ATP8A2: variants seen among roughly 807,000 people sequenced by gnomAD.
The protein encoded by ATP8A2 is ATPase phospholipid transporting 8A2.
In ATP8A2, 100 loss-of-function variants were observed where a neutral mutation model predicts 165.6. The observed-to-expected ratio is 0.60, with a 90% confidence interval of 0.51 to 0.71. The LOEUF is 0.71. Among genes scored for constraint, ATP8A2 ranks in the 30% least tolerant of loss-of-function variants. ATP8A2 has a pLI of 0.00. For missense variants in ATP8A2, 1,227 were observed against 1,479.5 expected (o/e 0.83, Z 2.80); for synonymous variants, 543 against 548.8 (o/e 0.99, Z 0.15).
In ATP8A2 at chr13:25,603,297, G is replaced by A. The variant is rs146374693; in HGVS notation, c.2211+13598G>A. On this transcript the variant is annotated intron_variant, in intron 24 of 36. Transcript: ENST00000381655. Reference sequence around the variant, plus strand: ...GAGCCCAGGAGTTCAAGAGCAGCTTGGGCAACATGGTGAAACCCTGTATCT... The same window carrying A: ...GAGCCCAGGAGTTCAAGAGCAGCTTAGGCAACATGGTGAAACCCTGTATCT... 4.0e-3 allele frequency among the ~76,000 whole-genome samples: 610 copies of A among 151,954 alleles called. 3 individuals carry two copies. Among genetic ancestry groups the A allele is most frequent in the African/African-American group, 0.014 (573 of 41,422 alleles).
intron 24 of ATP8A2, among the ~76,000 whole-genome samples, chr13:25,639,883 CAGA>C (rs2041470612): frequency 6.6e-6 from 1 of 152,108 alleles, no homozygotes; most frequent in African/African-American, 2.4e-5. Context: ...TGTAAAAGAA[CAGA>C]AATTATAACA....
chr13:26,008,046 G>A (rs1297060100), intron 35 of ATP8A2, among the ~76,000 whole-genome samples: 3 of 152,140 alleles, frequency 2.0e-5, no homozygotes, highest in Non-Finnish European at 4.4e-5. Flanking sequence ...CCAATTTCAG[G>A]CTTCCCAATG....
chr13:25,520,865 T>C (rs1211273545), intron 2 of ATP8A2, among the ~76,000 whole-genome samples: 12 of 152,146 alleles, frequency 7.9e-5, no homozygotes, highest in Non-Finnish European at 1.6e-4. Context: ...CTGCCCGCCT[T>C]GGCCTCCCAA....
intron 1 of ATP8A2, among the ~76,000 whole-genome samples, chr13:25,392,940 C>A (rs1454426841): frequency 6.6e-6 from 1 of 151,524 alleles, no homozygotes; most frequent in Non-Finnish European, 1.5e-5. Context: ...GAAAAATGAA[C>A]TGGATTCTGA....
intron 2 of ATP8A2, among the ~76,000 whole-genome samples, chr13:25,529,159 A>G (rs530018062): frequency 1.3e-5 from 2 of 152,234 alleles, no homozygotes; most frequent in South Asian, 4.1e-4. Context: ...TATAATTAAG[A>G]ATAGGCTCAG....
chr13:26,010,773 A>C (rs2139351546), intron 35 of ATP8A2, among the ~76,000 whole-genome samples: 1 of 152,326 alleles, frequency 6.6e-6, no homozygotes, highest in Non-Finnish European at 1.5e-5. Flanking sequence ...GACGGGAGGG[A>C]GGACCAGTGT....
intron 2 of ATP8A2, among the ~76,000 whole-genome samples, chr13:25,500,806 G>C (rs977536863): frequency 1.4e-4 from 22 of 152,044 alleles, no homozygotes; most frequent in Admixed American, 5.2e-4. Context: ...TGTTCTCCTG[G>C]ACTCAAGTGA....
chr13:25,710,960 G>A (rs928231638), intron 25 of ATP8A2, among the ~76,000 whole-genome samples: 16 of 148,396 alleles, frequency 1.1e-4, no homozygotes, highest in Non-Finnish European at 1.5e-4. Flanking sequence ...ATAGGTTAGC[G>A]AACTGAGGCA....
At chr13:25,674,218 T>A (rs1469140261) in intron 24 of ATP8A2, among the ~76,000 whole-genome samples, 1 of 152,240 alleles carries the variant, frequency 6.6e-6, no homozygotes, top group South Asian at 2.1e-4. Flanking sequence ...AACAAATTCA[T>A]CCTGGCCATG....
chr13:25,650,191 C>T lies in ATP8A2; in HGVS notation c.2212-48982C>T, dbSNP rs544656812. On this transcript the variant is annotated intron_variant, in intron 24 of 36. Coordinates refer to ENST00000381655, the MANE Select transcript of ATP8A2 (RefSeq NM_016529.6). ...GATAGTTTCTCTCACCCTTTCCATGCGGCTTTTATTCCATGCTGTGGACCA... is the reference window on the plus strand; with the variant it reads ...GATAGTTTCTCTCACCCTTTCCATGTGGCTTTTATTCCATGCTGTGGACCA... Among the ~76,000 whole-genome samples, 11 of 152,264 alleles carry T rather than the reference C, an allele frequency of 7.2e-5. No individual in the cohort carries two copies. In the South Asian group the frequency reaches 1.2e-3, roughly 17 times the overall value.
Position 25,608,310 on chromosome 13 carries a change from C to T in ATP8A2, c.2211+18611C>T, listed in dbSNP as rs531452743. On this transcript the variant is annotated intron_variant, in intron 24 of 36. Coordinates refer to ENST00000381655, the MANE Select transcript of ATP8A2 (RefSeq NM_016529.6). ...GTGACAAAGCATATCCAAACCATAG[C>T]GTGCATATTTAATTTCTGGGTTTCA... Among the ~76,000 whole-genome samples, 8 of 152,308 alleles carry T rather than the reference C, an allele frequency of 5.3e-5. 1 individual carries two copies. The South Asian group carries it at 1.4e-3, about 28-fold the overall frequency.
At chr13:25,993,058 T>A (rs1956427665) in intron 35 of ATP8A2, among the ~76,000 whole-genome samples, 1 of 151,766 alleles carries the variant, frequency 6.6e-6, no homozygotes, top group Non-Finnish European at 1.5e-5. Context: ...ATGGTGTATA[T>A]GTCCCACATT....
At chr13:25,920,550 C>G (rs910195601) in intron 33 of ATP8A2, among the ~76,000 whole-genome samples, 1 of 152,198 alleles carries the variant, frequency 6.6e-6, no homozygotes, top group East Asian at 1.9e-4. Flanking sequence ...AGTCCTCCCT[C>G]TTACCAGACT....
At chr13:25,676,164 G>T (rs916447284) in intron 24 of ATP8A2, among the ~76,000 whole-genome samples, 4 of 152,186 alleles carry the variant, frequency 2.6e-5, no homozygotes, top group African/African-American at 9.7e-5. Context: ...GATCTGATTG[G>T]TGGTCTGGAT....
intron 25 of ATP8A2, among the ~76,000 whole-genome samples, chr13:25,721,247 A>G (rs1430408590): frequency 6.6e-6 from 1 of 151,560 alleles, no homozygotes; most frequent in Non-Finnish European, 1.5e-5. Flanking sequence ...GTTACAGTCC[A>G]TATACTAAAT....
At chr13:25,637,545 G>A (rs1420097028) in intron 24 of ATP8A2, among the ~76,000 whole-genome samples, 2 of 152,184 alleles carry the variant, frequency 1.3e-5, no homozygotes, top group African/African-American at 4.8e-5. Context: ...TTGCAAGATG[G>A]CAGCAAGCTT....
chr13:25,909,983 T>C (rs954427136), intron 33 of ATP8A2, among the ~76,000 whole-genome samples: 2 of 152,222 alleles, frequency 1.3e-5, no homozygotes, highest in Non-Finnish European at 2.9e-5. Context: ...CCATTCCTTT[T>C]TCAAGCTGAA....
At chr13:25,505,280 A>G in intron 2 of ATP8A2, among the ~76,000 whole-genome samples, 1 of 152,006 alleles carries the variant, frequency 6.6e-6, no homozygotes, top group Non-Finnish European at 1.5e-5. Context: ...ATCTATTGAC[A>G]TATACCCTTC....
intron 4 of ATP8A2, among the ~76,000 whole-genome samples, chr13:25,531,271 GATATATAT>G (rs2038053896): frequency 1.0e-5 from 1 of 98,998 alleles, no homozygotes; most frequent in Non-Finnish European, 2.0e-5. Context: ...TGATATATAT[GATATATAT>G]GTTATATATG....
Sources: allele counts gnomAD v4.1 joint callset (sites outside exome capture counted in the v4.1 genomes callset), GRCh38; gene constraint gnomAD v4.1.1; transcripts MANE v1.5; gene names NCBI Gene and HGNC (gene_info 2026-07-23, HGNC 2026-07-21).